PLD5: variants seen among roughly 807,000 people sequenced by gnomAD.
PLD5 encodes the protein phospholipase D family member 5, also known as inactive phospholipase D5.
Under a neutral mutation model 61.1 loss-of-function variants are expected in PLD5, and 36 were observed. The observed-to-expected ratio is 0.59, with a 90% CI of 0.45 to 0.78. The LOEUF is 0.78. PLD5 is among the 30% of genes least tolerant of loss of function. PLD5 has a pLI of 0.00. For missense variants in PLD5, 515 were observed against 644.4 expected (o/e 0.80, Z 2.17); for synonymous variants, 243 against 242.8 (o/e 1.00, Z -0.01).
intron 5 of PLD5, among the ~76,000 whole-genome samples, chr1:242,157,115 T>G (rs1665436355): frequency 6.6e-6 from 1 of 152,190 alleles, no homozygotes; most frequent in Non-Finnish European, 1.5e-5. Context: ...ATCTTCAATC[T>G]CTGATATCTT....
intron 1 of PLD5, among the ~76,000 whole-genome samples, chr1:242,391,904 C>T (rs1485344486): frequency 6.6e-6 from 1 of 152,198 alleles, no homozygotes; most frequent in Non-Finnish European, 1.5e-5. Context: ...AATCCCATTA[C>T]TGGTTATATA....
chr1:242,207,810 T>TTATATTTATATATATTTATA (rs1669450493), intron 5 of PLD5, among the ~76,000 whole-genome samples: 1 of 37,564 alleles, frequency 2.7e-5, no homozygotes, highest in African/African-American at 1.3e-4. Context: ...TTATATATAT[T>TTATATTTATATATATTTATA]TATATTTATA....
At chr1:242,498,185 G>A (rs1388086243) in intron 1 of PLD5, among the ~76,000 whole-genome samples, 3 of 152,066 alleles carry the variant, frequency 2.0e-5, no homozygotes, top group African/African-American at 4.8e-5. Flanking sequence ...GGCTAGCCTC[G>A]AACTCCTGAC....
At chr1:242,232,357 G>A (rs982043506) in intron 4 of PLD5, among the ~76,000 whole-genome samples, 1 of 152,050 alleles carries the variant, frequency 6.6e-6, no homozygotes, top group Non-Finnish European at 1.5e-5. Flanking sequence ...GAAGATAAAA[G>A]TATTTTGCTT....
chr1:242,512,142 T>C (rs944627335), intron 1 of PLD5, among the ~76,000 whole-genome samples: 1 of 151,494 alleles, frequency 6.6e-6, no homozygotes, highest in African/African-American at 2.4e-5. Context: ...TTGGGTGCGG[T>C]GGTTCACGCC....
Position 242,396,676 on chromosome 1 carries a change from T to C in PLD5, c.190-48434A>G, listed in dbSNP as rs970703050. Among the ~76,000 whole-genome samples the C allele has an allele frequency of 2.9e-5, 4 of 136,724 alleles. 1 individual carries two copies. Among genetic ancestry groups the C allele is most frequent in the Admixed American group, 2.5e-4 (3 of 11,952 alleles). 89.7% of individuals were successfully genotyped at this position (136,724 alleles called of 152,430 possible). A position where few individuals can be genotyped will look rare whatever the true frequency, so the allele number is the denominator to read the frequency against. On this transcript the variant is annotated intron_variant, in intron 1 of 9. Transcript: ENST00000536534. ...TTTTCTTTCTTTCTTTTCTTTTCTT[T>C]TTTTTTTTTTTTTTTGAGACGGAGT...
intron 1 of PLD5, among the ~76,000 whole-genome samples, chr1:242,359,206 A>G (rs1384784198): frequency 2.0e-5 from 3 of 152,148 alleles, no homozygotes; most frequent in African/African-American, 4.8e-5. Context: ...TGGCTGTGCC[A>G]TATCCTCCTG....
At chr1:242,192,781 A>G (rs1668367586) in intron 5 of PLD5, among the ~76,000 whole-genome samples, 1 of 151,634 alleles carries the variant, frequency 6.6e-6, no homozygotes, top group African/African-American at 2.4e-5. Flanking sequence ...AGACCACACA[A>G]TTGCAAGGAG....
intron 5 of PLD5, among the ~76,000 whole-genome samples, chr1:242,185,802 TGA>T (rs1223884444): frequency 1.3e-5 from 2 of 152,194 alleles, no homozygotes; most frequent in Non-Finnish European, 2.9e-5. Context: ...AAATTTGACA[TGA>T]GAGTCTTTTA....
At chr1:242,345,281 C>T (rs953339659) in intron 2 of PLD5, among the ~76,000 whole-genome samples, 8 of 152,134 alleles carry the variant, frequency 5.3e-5, no homozygotes, top group African/African-American at 1.9e-4. Flanking sequence ...CTTCCCCAAG[C>T]TTACAGTTAG....
chr1:242,194,610 C>CTATCTATCTATCTATCTATG (rs1558328654), intron 5 of PLD5, among the ~76,000 whole-genome samples: 7 of 78,504 alleles, frequency 8.9e-5, no homozygotes, highest in Non-Finnish European at 4.9e-5. Flanking sequence ...ATCTATGTAT[C>CTATCTATCTATCTATCTATG]TATCTATGTA....
At chr1:242,364,301 A>C (rs1247722496) in intron 1 of PLD5, among the ~76,000 whole-genome samples, 1 of 152,234 alleles carries the variant, frequency 6.6e-6, no homozygotes, top group Non-Finnish European at 1.5e-5. Context: ...AACCAGCTTC[A>C]CTGAACTCAC....
chr1:242,430,956 G>A (rs1403632709), intron 1 of PLD5, among the ~76,000 whole-genome samples: 1 of 152,140 alleles, frequency 6.6e-6, no homozygotes, highest in East Asian at 1.9e-4. Flanking sequence ...TTCATCACCT[G>A]TCTGCTTTGG....
At chr1:242,308,169 A>G (rs1249842465) in intron 2 of PLD5, among the ~76,000 whole-genome samples, 1 of 152,134 alleles carries the variant, frequency 6.6e-6, no homozygotes, top group Non-Finnish European at 1.5e-5. Flanking sequence ...CTATAAATTC[A>G]GGCTTCTGAT....
At chr1:242,382,131 A>AAAAAAAAAAAAAAC (rs1205863319) in intron 1 of PLD5, among the ~76,000 whole-genome samples, 1 of 151,238 alleles carries the variant, frequency 6.6e-6, no homozygotes, top group African/African-American at 2.4e-5. Context: ...TTGACAGCAA[A>AAAAAAAAAAAAAAC]AAAAAAAACA....
At chr1:242,255,090 G>C (rs1672940475) in intron 4 of PLD5, among the ~76,000 whole-genome samples, 1 of 152,046 alleles carries the variant, frequency 6.6e-6, no homozygotes, top group Non-Finnish European at 1.5e-5. Flanking sequence ...ACTTCCATCT[G>C]GGCCATTACC....
chr1:242,296,136 A>G (rs1363962359), intron 2 of PLD5, among the ~76,000 whole-genome samples: 1 of 152,160 alleles, frequency 6.6e-6, no homozygotes, highest in East Asian at 1.9e-4. Context: ...TGCCTGCTTC[A>G]TAGTAAACCC....
intron 4 of PLD5, among the ~76,000 whole-genome samples, chr1:242,263,610 T>C (rs1673492779): frequency 6.6e-6 from 1 of 152,086 alleles, no homozygotes; most frequent in Non-Finnish European, 1.5e-5. Flanking sequence ...ATTAGGGTCC[T>C]GTTCATTGCT....
chr1:242,389,084 G>C (rs539100735), intron 1 of PLD5, among the ~76,000 whole-genome samples: 1 of 151,902 alleles, frequency 6.6e-6, no homozygotes, highest in African/African-American at 2.4e-5. Flanking sequence ...TGAGAAACTA[G>C]GGTATTAAAT....
Sources: gnomAD v4.1 joint callset for allele counts (sites outside exome capture counted in the v4.1 genomes callset) on GRCh38, gnomAD v4.1.1 for gene constraint, MANE v1.5 for transcripts, NCBI Gene and HGNC (gene_info 2026-07-23, HGNC 2026-07-21) for gene names.